PROS1: variants seen among roughly 807,000 people sequenced by gnomAD.
PROS1 encodes protein S.
In PROS1, 29 loss-of-function variants were observed where a neutral mutation model predicts 75.9. That is an observed-to-expected ratio of 0.38 (90% CI 0.28 to 0.52). The LOEUF (loss-of-function observed/expected upper bound fraction) is 0.52, where lower values mean the gene tolerates loss of function less well. Among genes scored for constraint, PROS1 ranks in the 20% least tolerant of loss-of-function variants. The probability of loss-of-function intolerance (pLI) is 0.83; values close to 1 mark genes in which losing one functional copy is unlikely to be tolerated. For missense variants in PROS1, 680 were observed against 810.3 expected, an observed-to-expected ratio of 0.84 and a Z score of 1.95; for synonymous variants, 245 against 280.6, an observed-to-expected ratio of 0.87 and a Z score of 1.27.
At chr3:93,951,092 A>G (rs1480519890) in intron 1 of PROS1, among the ~76,000 whole-genome samples, 1 of 152,238 alleles carries the variant, frequency 6.6e-6, no homozygotes, top group East Asian at 1.9e-4. Flanking sequence ...ATATGGGACT[A>G]TGTGAAAAGG....
chr3:93,959,385 A>G lies in PROS1; in HGVS notation c.76+14289T>C, dbSNP rs1402057502. On this transcript the variant is annotated intron_variant, in intron 1 of 14. Coordinates refer to ENST00000394236, the MANE Select transcript of PROS1 (RefSeq NM_000313.4). ...GAAAAAAGAAATGCCCATTCCTAAA[A>G]GTCTTTACCCACCTCACATCTAGTA... 3.9e-5 allele frequency among the ~76,000 whole-genome samples: 6 copies of G among 152,288 alleles called. No homozygotes were observed. In the South Asian group the frequency reaches 6.2e-4, roughly 16 times the overall value.
At chr3:93,944,665 A>G (rs2107231429) in intron 1 of PROS1, among the ~76,000 whole-genome samples, 1 of 152,350 alleles carries the variant, frequency 6.6e-6, no homozygotes, top group East Asian at 1.9e-4. Flanking sequence ...AGTATATTGG[A>G]GGGAAATTTA....
chr3:93,940,717 A>G (rs941573576), intron 1 of PROS1, among the ~76,000 whole-genome samples: 4 of 151,736 alleles, frequency 2.6e-5, no homozygotes, highest in South Asian at 4.2e-4. Flanking sequence ...ATCCCATTAA[A>G]CCCTAATCAC....
At chr3:93,954,817 A>C (rs1434013598) in intron 1 of PROS1, among the ~76,000 whole-genome samples, 2 of 152,232 alleles carry the variant, frequency 1.3e-5, no homozygotes, top group South Asian at 2.1e-4. Context: ...AAATTTTTAC[A>C]ATCTACCCAT....
intron 2 of PROS1, among the ~76,000 whole-genome samples, chr3:93,926,708 T>G (rs573973601): frequency 6.6e-6 from 1 of 152,238 alleles, no homozygotes; most frequent in African/African-American, 2.4e-5. Context: ...CTAGCATGCA[T>G]GCGTGCGCGC....
At chr3:93,971,192 A>G (rs998245382) in intron 1 of PROS1, among the ~76,000 whole-genome samples, 2 of 151,042 alleles carry the variant, frequency 1.3e-5, no homozygotes, top group East Asian at 3.9e-4. Flanking sequence ...AAATACAAAA[A>G]TTAGCCGGGT....
chr3:93,905,830 G>A lies in PROS1; in HGVS notation c.555C>T (p.Ser185=), dbSNP rs780075199. The change falls in exon 6 of 15, where the codon TCC becomes TCT. Residue 185 remains serine (S), a synonymous_variant. Transcript: ENST00000394236. ...CDNTPGSYHC[S]CKNGFVMLSN... The stretch of plus-strand genomic sequence containing the variant: ...AAAGCATAACAAAACCATTTTTACA[G>A]GAACAGTGGTAACTTCCAGGTGTAT... 1 of 1,612,862 alleles carries A rather than the reference G, an allele frequency of 6.2e-7. No homozygotes were observed. Among genetic ancestry groups the A allele is most frequent in the Non-Finnish European group, 8.5e-7 (1 of 1,178,990 alleles).
intron 1 of PROS1, among the ~76,000 whole-genome samples, chr3:93,959,718 C>T (rs547134444): frequency 5.3e-5 from 8 of 152,182 alleles, no homozygotes; most frequent in South Asian, 2.1e-4. Context: ...TGATGTTCCA[C>T]GGACCATACT....
chr3:93,945,399 C>T (rs1217003490), intron 1 of PROS1, among the ~76,000 whole-genome samples: 1 of 152,094 alleles, frequency 6.6e-6, no homozygotes, highest in Non-Finnish European at 1.5e-5. Context: ...AACATTGATG[C>T]AGAAATCCTC....
At chr3:93,939,905 T>C (rs1219170523) in intron 1 of PROS1, among the ~76,000 whole-genome samples, 2 of 150,776 alleles carry the variant, frequency 1.3e-5, no homozygotes, top group South Asian at 2.1e-4. Flanking sequence ...CTTCAAGGCA[T>C]ACAATAATAG....
intron 1 of PROS1, among the ~76,000 whole-genome samples, chr3:93,930,219 T>C (rs1202028990): frequency 6.6e-6 from 1 of 152,202 alleles, no homozygotes; most frequent in African/African-American, 2.4e-5. Context: ...ATATAAAAGA[T>C]GGTACTCTGT....
At chr3:93,958,539 CT>C (rs1709647790) in intron 1 of PROS1, 2 of 152,102 alleles carry the variant, frequency 1.3e-5, no homozygotes, top group Admixed American at 6.5e-5. Context: ...TTATGAGACT[CT>C]TTTCTTTGTA....
chr3:93,958,201 CT>C (rs1414075270), intron 1 of PROS1, among the ~76,000 whole-genome samples: 1 of 151,920 alleles, frequency 6.6e-6, no homozygotes, highest in Non-Finnish European at 1.5e-5. Context: ...AAAATAAAAC[CT>C]AATAAAACAG....
At chr3:93,891,701 C>G (rs747831330) in intron 10 of PROS1, among the ~76,000 whole-genome samples, 2 of 152,136 alleles carry the variant, frequency 1.3e-5, no homozygotes, top group African/African-American at 2.4e-5. Flanking sequence ...TGAGCCACTG[C>G]GCCCAGCCTA....
Position 93,879,246 on chromosome 3 carries a change from C to T in PROS1, c.1561G>A (p.Gly521Ser). ...TLNIRPSTGT[G>S]VMLALVSGNN... is the part of the protein sequence containing the mutation. ...CCAGAAACCAAGGCAAGCATAACAC[C>T]AGTGCCCGTGGATGGACGAATATTC... Residue 521 changes from glycine to serine, a missense_variant, in exon 13 of 15, where the codon GGT becomes AGT. By Grantham distance (56) the Gly-to-Ser change is moderately conservative. Transcript: ENST00000394236. 1.2e-6 allele frequency: 2 copies of T among 1,614,110 alleles called. No homozygotes were observed. The highest frequency in any genetic ancestry group is 8.5e-7 in the Non-Finnish European group (1 of 1,179,980).
intron 2 of PROS1, among the ~76,000 whole-genome samples, chr3:93,924,604 T>C (rs573072962): frequency 6.6e-6 from 1 of 152,174 alleles, no homozygotes; most frequent in Non-Finnish European, 1.5e-5. Context: ...ATTTGACACA[T>C]TTTATGTCAT....
intron 13 of PROS1, among the ~76,000 whole-genome samples, chr3:93,877,534 A>C (rs1490553534): frequency 1.3e-5 from 2 of 152,186 alleles, no homozygotes; most frequent in Non-Finnish European, 2.9e-5. Context: ...ACATATGAAA[A>C]GGGAAGGAGT....
chr3:93,888,159 C>T (rs958046179), intron 10 of PROS1, among the ~76,000 whole-genome samples: 2 of 152,130 alleles, frequency 1.3e-5, no homozygotes, highest in Non-Finnish European at 2.9e-5. Flanking sequence ...ATAATCTTGA[C>T]AACTAAGGAT....
chr3:93,924,661 CTCTT>C (rs1708989815), intron 2 of PROS1, among the ~76,000 whole-genome samples: 1 of 148,952 alleles, frequency 6.7e-6, no homozygotes, highest in South Asian at 2.1e-4. Flanking sequence ...GTAACGTACT[CTCTT>C]TTTTTTTTTT....
Sources: gnomAD v4.1 joint callset for allele counts (sites outside exome capture counted in the v4.1 genomes callset) on GRCh38, gnomAD v4.1.1 for gene constraint, MANE v1.5 for transcripts, NCBI Gene and HGNC (gene_info 2026-07-23, HGNC 2026-07-21) for gene names.